The following TMEM108 variants were observed in gnomAD, a reference collection of about 807,000 sequenced individuals.
TMEM108 encodes transmembrane protein 108, also known as cancer/testis antigen 124.
A neutral mutation model predicts 35.1 loss-of-function variants in TMEM108; 12 were observed. That is an observed-to-expected ratio of 0.34 (90% CI 0.22 to 0.55). TMEM108 has a LOEUF of 0.55. Among genes scored for constraint, TMEM108 ranks in the 20% least tolerant of loss-of-function variants. TMEM108 has a pLI of 0.89. For missense variants in TMEM108, 680 were observed against 753.3 expected (o/e 0.90, Z 1.14); for synonymous variants, 287 against 308.6 (o/e 0.93, Z 0.73).
intron 3 of TMEM108, among the ~76,000 whole-genome samples, chr3:133,296,708 A>G (rs1576439206): frequency 6.6e-6 from 1 of 151,996 alleles, no homozygotes; most frequent in Non-Finnish European, 1.5e-5. Flanking sequence ...GACAGGGGGG[A>G]CTTGGGGGCT....
chr3:133,271,039 C>T (rs1050363617), intron 3 of TMEM108, among the ~76,000 whole-genome samples: 3 of 152,130 alleles, frequency 2.0e-5, no homozygotes, highest in Non-Finnish European at 2.9e-5. Flanking sequence ...TTGGTTTTTG[C>T]TACTCCTAGT....
intron 2 of TMEM108, among the ~76,000 whole-genome samples, chr3:133,222,645 C>T (rs1174118427): frequency 2.6e-5 from 4 of 151,928 alleles, no homozygotes; most frequent in Middle Eastern, 3.4e-3. Context: ...TCTGCTTGAC[C>T]ATTTCTGTTG....
rs536580426 is a variant in TMEM108, at chr3:133,312,387, C to T, written c.41-67365C>T. Among the ~76,000 whole-genome samples, 15 of 152,308 alleles carry T rather than the reference C, an allele frequency of 9.8e-5. 1 individual carries two copies. In the South Asian group the frequency reaches 2.9e-3, roughly 29 times the overall value. On this transcript the variant is annotated intron_variant, in intron 3 of 5. Coordinates refer to ENST00000321871, the MANE Select transcript of TMEM108 (RefSeq NM_023943.4). ...CCTTGCTGAGCTGTGGTGGGCTCCACCCAGTTTGAGCTTCCTGGCCACTTT... is the reference window on the plus strand; with the variant it reads ...CCTTGCTGAGCTGTGGTGGGCTCCATCCAGTTTGAGCTTCCTGGCCACTTT...
intron 3 of TMEM108, among the ~76,000 whole-genome samples, chr3:133,236,162 C>T (rs1296122721): frequency 2.0e-5 from 3 of 152,106 alleles, no homozygotes; most frequent in Non-Finnish European, 4.4e-5. Flanking sequence ...TTGCTATACA[C>T]CCAGACATTT....
intron 4 of TMEM108, among the ~76,000 whole-genome samples, chr3:133,383,622 C>T (rs1425637332): frequency 6.6e-6 from 1 of 152,170 alleles, no homozygotes; most frequent in Non-Finnish European, 1.5e-5. Flanking sequence ...TAGATCAGAT[C>T]TTATTGCAAA....
chr3:133,192,016 G>C (rs1363072682), intron 2 of TMEM108, among the ~76,000 whole-genome samples: 1 of 151,624 alleles, frequency 6.6e-6, no homozygotes, highest in East Asian at 1.9e-4. Flanking sequence ...TCCCAGCTCT[G>C]CCCCTATCCC....
chr3:133,166,713 G>A (rs1258164428), intron 2 of TMEM108, among the ~76,000 whole-genome samples: 3 of 152,196 alleles, frequency 2.0e-5, no homozygotes, highest in Non-Finnish European at 2.9e-5. Context: ...AGACCTGCGC[G>A]GTGAGTGTTA....
chr3:133,232,918 A>G (rs1237611357), intron 3 of TMEM108, among the ~76,000 whole-genome samples: 1 of 151,882 alleles, frequency 6.6e-6, no homozygotes, highest in Non-Finnish European at 1.5e-5. Context: ...ACTGTCATTC[A>G]TTTTTCTTTC....
intron 2 of TMEM108, among the ~76,000 whole-genome samples, chr3:133,055,412 A>AT (rs1218355025): frequency 2.6e-5 from 4 of 152,266 alleles, no homozygotes; most frequent in Non-Finnish European, 5.9e-5. Flanking sequence ...TTTAGCAACA[A>AT]TAAAGACATC....
chr3:133,235,576 G>T (rs1329447259), intron 3 of TMEM108, among the ~76,000 whole-genome samples: 1 of 152,118 alleles, frequency 6.6e-6, no homozygotes, highest in Non-Finnish European at 1.5e-5. Flanking sequence ...ATGTAAAATG[G>T]GATGTGATCA....
intron 2 of TMEM108, among the ~76,000 whole-genome samples, chr3:133,223,389 C>T (rs1429333961): frequency 6.6e-6 from 1 of 152,150 alleles, no homozygotes; most frequent in Non-Finnish European, 1.5e-5. Context: ...GGAATTGAAC[C>T]TGGAGCTTAA....
chr3:133,295,698 G>T (rs1947136084), intron 3 of TMEM108, among the ~76,000 whole-genome samples: 2 of 152,192 alleles, frequency 1.3e-5, no homozygotes, highest in African/African-American at 4.8e-5. Flanking sequence ...AGAGCCAGGA[G>T]GGAGATAGTG....
chr3:133,203,620 C>T (rs549139847), intron 2 of TMEM108, among the ~76,000 whole-genome samples: 1 of 152,260 alleles, frequency 6.6e-6, no homozygotes, highest in Admixed American at 6.5e-5. Flanking sequence ...TATGTTGAAC[C>T]AGCCTTGCAT....
intron 2 of TMEM108, among the ~76,000 whole-genome samples, chr3:133,223,093 G>A (rs2107854971): frequency 6.6e-6 from 1 of 152,246 alleles, no homozygotes; most frequent in Middle Eastern, 3.4e-3. Context: ...TGTTTCTTTA[G>A]GGTTGGTCAC....
chr3:133,283,245 A>G (rs1304800520), intron 3 of TMEM108, among the ~76,000 whole-genome samples: 1 of 152,170 alleles, frequency 6.6e-6, no homozygotes, highest in East Asian at 1.9e-4. Flanking sequence ...GAGAGAAAAA[A>G]TTTCTTCCCC....
chr3:133,208,393 T>C (rs1344993888), intron 2 of TMEM108, among the ~76,000 whole-genome samples: 1 of 152,224 alleles, frequency 6.6e-6, no homozygotes, highest in Non-Finnish European at 1.5e-5. Flanking sequence ...GAGCCAGATC[T>C]ATCCAGGTGT....
chr3:133,358,805 C>G (rs2107788386), intron 3 of TMEM108, among the ~76,000 whole-genome samples: 1 of 152,270 alleles, frequency 6.6e-6, no homozygotes, highest in Admixed American at 6.5e-5. Context: ...TCCTCCCTTC[C>G]CATCCCTCTT....
intron 2 of TMEM108, among the ~76,000 whole-genome samples, chr3:133,171,164 C>T (rs576827028): frequency 3.9e-5 from 6 of 151,982 alleles, no homozygotes; most frequent in East Asian, 1.9e-4. Context: ...ATCTGTGTAT[C>T]GACATTATAG....
intron 3 of TMEM108, among the ~76,000 whole-genome samples, chr3:133,241,038 A>G (rs1946305602): frequency 6.6e-6 from 1 of 151,410 alleles, no homozygotes; most frequent in Non-Finnish European, 1.5e-5. Flanking sequence ...AATTGGGGCT[A>G]TTTTTAACCA....
Sources: gnomAD v4.1 joint callset for allele counts (sites outside exome capture counted in the v4.1 genomes callset) on GRCh38, gnomAD v4.1.1 for gene constraint, MANE v1.5 for transcripts, NCBI Gene and HGNC (gene_info 2026-07-23, HGNC 2026-07-21) for gene names.